Variants in MEF2C observed in about 807,000 individuals in gnomAD.
MEF2C encodes myocyte enhancer factor 2C, also known as myocyte-specific enhancer factor 2C.
In MEF2C, 6 loss-of-function variants were observed where a neutral mutation model predicts 50.5. That is an observed-to-expected ratio of 0.12 (90% confidence interval 0.07 to 0.23). The LOEUF (loss-of-function observed/expected upper bound fraction) is 0.23. Ranked by LOEUF, MEF2C falls within the 10% of genes least tolerant of loss-of-function variation. The probability of loss-of-function intolerance (pLI) is 1.00; values close to 1 mark genes in which losing one functional copy is unlikely to be tolerated. For synonymous variants in MEF2C, 183 were observed against 228.0 expected (o/e 0.80, Z 1.78); for missense variants, 276 against 605.0 (o/e 0.46, Z 5.70).
At chr5:88,819,477 C>G (rs186215565) in intron 2 of MEF2C, 2 of 649,376 alleles carry the variant, frequency 3.1e-6, no homozygotes, top group African/African-American at 2.0e-5. Context: ...TCCCACTGAT[C>G]TTCCTTCAGC....
chr5:88,897,202 ATGATGAT>A (rs1835202358), intron 1 of MEF2C, among the ~76,000 whole-genome samples: 1 of 152,194 alleles, frequency 6.6e-6, no homozygotes, highest in Non-Finnish European at 1.5e-5. Flanking sequence ...TATGATTGCA[ATGATGAT>A]TAACTTACAA....
chr5:88,823,907 C>A lies in MEF2C; in HGVS notation c.-119G>T. ...TCTTCAGCACTTGCACAGCTCAGTT[C>A]CCAAATTCCTGCATTCGTTCCTGCT... On this transcript the variant is annotated 5_prime_UTR_variant, in exon 2 of 11. Transcript: ENST00000504921. 2 of 1,482,022 alleles carry A rather than the reference C, an allele frequency of 1.3e-6. No homozygotes were observed. The highest frequency in any genetic ancestry group is 9.0e-7 in the Non-Finnish European group (1 of 1,115,466). 91.8% of individuals were successfully genotyped at this position (1,482,022 alleles called of 1,614,324 possible). A position where few individuals can be genotyped will look rare whatever the true frequency, so the allele number is the denominator to read the frequency against.
At chr5:88,727,275 G>A (rs1759271246) in intron 10 of MEF2C, among the ~76,000 whole-genome samples, 1 of 152,112 alleles carries the variant, frequency 6.6e-6, no homozygotes, top group Non-Finnish European at 1.5e-5. Context: ...TTTCAAGAAA[G>A]CTGACCAACA....
intron 10 of MEF2C, among the ~76,000 whole-genome samples, chr5:88,725,421 A>G (rs1281348310): frequency 6.6e-6 from 1 of 152,132 alleles, no homozygotes; most frequent in African/African-American, 2.4e-5. Flanking sequence ...ATTTTCTTGA[A>G]AAGAAAAAAG....
intron 3 of MEF2C, 44 bp downstream of exon 3, chr5:88,804,554 C>T (rs772168579): frequency 6.3e-7 from 1 of 1,598,068 alleles, no homozygotes; most frequent in Admixed American, 1.7e-5. Context: ...GTCCAAACTC[C>T]CCTGCTTGCG....
intron 1 of MEF2C, chr5:88,839,434 T>C (rs1816517095): frequency 6.6e-6 from 1 of 151,958 alleles, no homozygotes; most frequent in South Asian, 2.1e-4. Context: ...GCAAAGCGAA[T>C]GCTCAAAATG....
At chr5:88,796,986 A>C (rs1163316774) in intron 3 of MEF2C, among the ~76,000 whole-genome samples, 2 of 152,134 alleles carry the variant, frequency 1.3e-5, no homozygotes, top group East Asian at 3.8e-4. Context: ...GTGGTCTGAG[A>C]GACTGTTTGT....
At chr5:88,746,412 T>G in intron 6 of MEF2C, 1 of 614,354 alleles carries the variant, frequency 1.6e-6, no homozygotes, top group Non-Finnish European at 2.0e-6. Context: ...ATTTACTTCC[T>G]TGCCTCATGA....
chr5:88,796,376 T>G lies in MEF2C; in HGVS notation c.258+8222A>C, dbSNP rs137961154. On this transcript the variant is annotated intron_variant, in intron 3 of 10. Transcript: ENST00000504921. Reference sequence around the variant, plus strand: ...CCTGGTTTTGTCTTGGGAGGGTGTGTGTGTCCAGGAATTTATTCATTTCTT... The same window carrying G: ...CCTGGTTTTGTCTTGGGAGGGTGTGGGTGTCCAGGAATTTATTCATTTCTT... Among the ~76,000 whole-genome samples the G allele has an allele frequency of 6.6e-3, 1,005 of 152,290 alleles. 14 individuals carry two copies. The highest frequency in any genetic ancestry group is 0.023 in the African/African-American group (947 of 41,550).
chr5:88,817,931 A>G (rs1467725559), intron 2 of MEF2C: 2 of 151,954 alleles, frequency 1.3e-5, no homozygotes, highest in Non-Finnish European at 2.9e-5. Flanking sequence ...TTCTAAATAT[A>G]TTGTTTGTAG....
intron 1 of MEF2C, among the ~76,000 whole-genome samples, chr5:88,902,990 A>G (rs903675069): frequency 2.6e-5 from 4 of 151,868 alleles, no homozygotes; most frequent in Admixed American, 1.3e-4. Flanking sequence ...TCAATTTACT[A>G]TAATACAACA....
intron 1 of MEF2C, among the ~76,000 whole-genome samples, chr5:88,832,937 T>C (rs1813643674): frequency 6.6e-6 from 1 of 152,144 alleles, no homozygotes; most frequent in African/African-American, 2.4e-5. Context: ...TAATCATACA[T>C]TAAAAACTGT....
intron 1 of MEF2C, among the ~76,000 whole-genome samples, chr5:88,897,604 A>G (rs577176480): frequency 3.3e-5 from 5 of 152,326 alleles, no homozygotes; most frequent in African/African-American, 1.2e-4. Flanking sequence ...GAAAAACTTA[A>G]GAATGATTTT....
At chr5:88,734,579 T>TTG (rs1763247870) in intron 6 of MEF2C, 4 of 946,766 alleles carry the variant, frequency 4.2e-6, no homozygotes, top group Middle Eastern at 5.3e-4. Flanking sequence ...TTTTTTTTTT[T>TTG]TTTTTTTTTT....
chr5:88,733,340 G>A (rs756024329), intron 6 of MEF2C: 11 of 985,234 alleles, frequency 1.1e-5, no homozygotes, highest in African/African-American at 1.7e-5. Context: ...AGGCTCTGGA[G>A]GGATGCAGGG....
chr5:88,764,767 C>T (rs1179721854), intron 3 of MEF2C, among the ~76,000 whole-genome samples: 1 of 136,584 alleles, frequency 7.3e-6, no homozygotes, highest in East Asian at 2.2e-4. Flanking sequence ...GAGATCACAC[C>T]ACTGCACTTC....
intron 6 of MEF2C, chr5:88,743,233 A>C: frequency 1.0e-6 from 1 of 983,866 alleles, no homozygotes; most frequent in Admixed American, 6.1e-5. Context: ...GAATATTGCA[A>C]TCTTAAGTTA....
chr5:88,722,575 A>C lies in MEF2C; in HGVS notation c.*29T>G, dbSNP rs376163956. On this transcript the variant is annotated 3_prime_UTR_variant, in exon 11 of 11. Coordinates refer to ENST00000504921, the MANE Select transcript of MEF2C (RefSeq NM_002397.5). The stretch of plus-strand genomic sequence containing the variant: ...TAGCACACACACACACTGCAAGAAA[A>C]AAAAAAAAACTAGTAAGTAATAATC... 5.7e-6 allele frequency: 9 copies of C among 1,581,608 alleles called. No individual in the cohort carries two copies. In the Admixed American group the frequency reaches 1.3e-4, roughly 23 times the overall value.
At chr5:88,751,244 T>C (rs959821216) in intron 5 of MEF2C, 1 of 985,408 alleles carries the variant, frequency 1.0e-6, no homozygotes, top group African/African-American at 1.7e-5. Flanking sequence ...ACACTGTGAA[T>C]TGAACAACAG....
Sources: allele counts gnomAD v4.1 joint callset (sites outside exome capture counted in the v4.1 genomes callset), GRCh38; gene constraint gnomAD v4.1.1; transcripts MANE v1.5; gene names NCBI Gene and HGNC (gene_info 2026-07-23, HGNC 2026-07-21).